The following NCKAP5 variants were observed in gnomAD, a reference collection of about 807,000 sequenced individuals.
The protein encoded by NCKAP5 is NCK associated protein 5.
In NCKAP5, 92 loss-of-function variants were observed where a neutral mutation model predicts 167.0. The ratio of observed to expected loss-of-function variants is 0.55; its 90% CI spans 0.47 to 0.66. NCKAP5 has a LOEUF of 0.66. NCKAP5 is among the 30% of genes least tolerant of loss of function. The pLI is 0.00. For missense variants in NCKAP5, 2,378 were observed against 2,315.0 expected (o/e 1.03, Z -0.56); for synonymous variants, 891 against 877.4 (o/e 1.02, Z -0.27).
At chr2:132,885,873 A>G (rs1232306612) in intron 8 of NCKAP5, among the ~76,000 whole-genome samples, 1 of 152,262 alleles carries the variant, frequency 6.6e-6, no homozygotes, top group East Asian at 1.9e-4. Context: ...CTAGCTCTAC[A>G]CAAAAATCTG....
intron 6 of NCKAP5, among the ~76,000 whole-genome samples, chr2:133,102,520 G>GA (rs112133665): frequency 0.021 from 3,165 of 152,090 alleles, 109 homozygotes; most frequent in African/African-American, 0.073. Flanking sequence ...AAAAAGGGAA[G>GA]AAAAAAACCG....
At chr2:133,489,735 T>C (rs1681271582) in intron 3 of NCKAP5, among the ~76,000 whole-genome samples, 1 of 152,208 alleles carries the variant, frequency 6.6e-6, no homozygotes, top group Non-Finnish European at 1.5e-5. Context: ...TTTGTATTTG[T>C]TTTTGTGGAG....
the NCKAP5 span, among the ~76,000 whole-genome samples, chr2:133,600,874 C>T: frequency 2.0e-5 from 3 of 152,238 alleles, no homozygotes; most frequent in East Asian, 5.8e-4. Flanking sequence ...ACCTGTGAGG[C>T]TTCTTTCCTG....
chr2:133,120,837 A>T (rs2082226897), intron 6 of NCKAP5, among the ~76,000 whole-genome samples: 1 of 152,128 alleles, frequency 6.6e-6, no homozygotes, highest in South Asian at 2.1e-4. Flanking sequence ...TTGGAAGCAA[A>T]TTTCTGTCAT....
intron 2 of NCKAP5, among the ~76,000 whole-genome samples, chr2:133,533,266 A>T (rs2104838953): frequency 6.6e-6 from 1 of 152,342 alleles, no homozygotes; most frequent in South Asian, 2.1e-4. Context: ...AAAAACCACC[A>T]TGCAGAAAGG....
intron 13 of NCKAP5, 43 bp from the exon 14 acceptor site, chr2:132,785,761 G>C (rs753361525): frequency 7.2e-7 from 1 of 1,394,518 alleles, no homozygotes; most frequent in East Asian, 2.5e-5. Context: ...GAACCATGTA[G>C]ATCACAAAGA....
At chr2:133,093,663 T>C (rs1195956794) in intron 6 of NCKAP5, among the ~76,000 whole-genome samples, 1 of 152,220 alleles carries the variant, frequency 6.6e-6, no homozygotes, top group Non-Finnish European at 1.5e-5. Flanking sequence ...TAAATATCTC[T>C]GCAGTGGTGG....
At chr2:132,892,112 ATT>A (rs532906687) in intron 8 of NCKAP5, among the ~76,000 whole-genome samples, 3 of 152,090 alleles carry the variant, frequency 2.0e-5, no homozygotes, top group Non-Finnish European at 4.4e-5. Context: ...TGAGGGAGAG[ATT>A]TTGGCCAACA....
At chr2:133,233,559 A>T (rs1219464942) in intron 4 of NCKAP5, among the ~76,000 whole-genome samples, 2 of 152,174 alleles carry the variant, frequency 1.3e-5, no homozygotes, top group African/African-American at 4.8e-5. Flanking sequence ...TCCTAGTTTC[A>T]TATACATTAT....
intron 6 of NCKAP5, among the ~76,000 whole-genome samples, chr2:133,042,759 T>A (rs1266967778): frequency 6.6e-6 from 1 of 152,206 alleles, no homozygotes; most frequent in African/African-American, 2.4e-5. Context: ...CAACTTGTCA[T>A]TGGCATTATT....
chr2:133,202,679 A>T (rs1260580579), intron 5 of NCKAP5, among the ~76,000 whole-genome samples: 6 of 152,204 alleles, frequency 3.9e-5, no homozygotes, highest in Admixed American at 3.9e-4. Context: ...AAGAACTTCA[A>T]CAAATTTACA....
chr2:133,385,135 G>A (rs1686843071), intron 3 of NCKAP5, among the ~76,000 whole-genome samples: 1 of 152,188 alleles, frequency 6.6e-6, no homozygotes, highest in Admixed American at 6.5e-5. Context: ...AGTTTTCAAA[G>A]GGAATCCTTC....
At chr2:133,034,551 A>G (rs2078981205) in intron 6 of NCKAP5, among the ~76,000 whole-genome samples, 1 of 152,128 alleles carries the variant, frequency 6.6e-6, no homozygotes, top group African/African-American at 2.4e-5. Flanking sequence ...AAAAATAATA[A>G]CTATAACACA....
chr2:132,736,168 C>T (rs1691484914), intron 16 of NCKAP5, among the ~76,000 whole-genome samples: 1 of 152,136 alleles, frequency 6.6e-6, no homozygotes, highest in South Asian at 2.1e-4. Context: ...TGTGGACAGT[C>T]AGGGGCTCAG....
chr2:132,695,998 T>C (rs1195269077), intron 19 of NCKAP5, among the ~76,000 whole-genome samples: 1 of 152,234 alleles, frequency 6.6e-6, no homozygotes, highest in African/African-American at 2.4e-5. Context: ...TTTGAGTATT[T>C]TGGCTTCACC....
At chr2:133,171,230 T>G (rs2084236209) in intron 5 of NCKAP5, among the ~76,000 whole-genome samples, 1 of 152,144 alleles carries the variant, frequency 6.6e-6, no homozygotes, top group South Asian at 2.1e-4. Context: ...GAGACAGTTG[T>G]TTTTGTGGAA....
At chr2:132,863,481 A>T (rs1260965047) in intron 10 of NCKAP5, among the ~76,000 whole-genome samples, 1 of 152,062 alleles carries the variant, frequency 6.6e-6, no homozygotes, top group Non-Finnish European at 1.5e-5. Flanking sequence ...GAAAGAATGA[A>T]AGAAAAAAAT....
chr2:133,035,569 T>A (rs1393700910), intron 6 of NCKAP5, among the ~76,000 whole-genome samples: 1 of 151,914 alleles, frequency 6.6e-6, no homozygotes, highest in Non-Finnish European at 1.5e-5. Context: ...CTTCTCTGAC[T>A]ACAATGGAAT....
intron 2 of NCKAP5, among the ~76,000 whole-genome samples, chr2:133,545,364 C>T (rs530332168): frequency 8.5e-5 from 13 of 152,196 alleles, no homozygotes; most frequent in African/African-American, 2.9e-4. Context: ...CTGGCTGACG[C>T]GTTTGGTCCT....
Sources: gnomAD v4.1 joint callset for allele counts (sites outside exome capture counted in the v4.1 genomes callset) on GRCh38, gnomAD v4.1.1 for gene constraint, MANE v1.5 for transcripts, NCBI Gene and HGNC (gene_info 2026-07-23, HGNC 2026-07-21) for gene names.